SYBU: variants seen among roughly 807,000 people sequenced by gnomAD.
The protein encoded by SYBU is syntabulin, also known as GOLSYN A protein.
SYBU carries 21 observed loss-of-function variants against 35.9 expected under a neutral mutation model. That is an observed-to-expected ratio of 0.58 (90% CI 0.41 to 0.84). The LOEUF (loss-of-function observed/expected upper bound fraction) is 0.84. SYBU is among the 40% of genes least tolerant of loss of function. SYBU has a pLI of 0.00. For synonymous variants in SYBU, 319 were observed against 324.3 expected (o/e 0.98, Z 0.18); for missense variants, 768 against 848.2 (o/e 0.91, Z 1.17).
chr8:109,651,104 A>G (rs1363879200), intron 1 of SYBU, among the ~76,000 whole-genome samples: 2 of 152,216 alleles, frequency 1.3e-5, no homozygotes, highest in Non-Finnish European at 2.9e-5. Context: ...CACTACTGAC[A>G]AACAGCTGAG....
chr8:109,583,725 AAC>A (rs1654860871), intron 4 of SYBU, among the ~76,000 whole-genome samples: 1 of 152,186 alleles, frequency 6.6e-6, no homozygotes, highest in African/African-American at 2.4e-5. Flanking sequence ...GGCCCTCCAG[AAC>A]ACAAAATTTA....
intron 3 of SYBU, among the ~76,000 whole-genome samples, chr8:109,615,321 C>A (rs1811614098): frequency 6.6e-6 from 1 of 152,096 alleles, no homozygotes; most frequent in South Asian, 2.1e-4. Context: ...TCGCTTGGGG[C>A]TATGGAGGAG....
chr8:109,600,096 A>G (rs908613827), intron 3 of SYBU, among the ~76,000 whole-genome samples: 1 of 152,098 alleles, frequency 6.6e-6, no homozygotes, highest in Admixed American at 6.5e-5. Flanking sequence ...TTGCACTGCA[A>G]TTGCCTGTTT....
chr8:109,600,885 C>T (rs575392484), intron 3 of SYBU, among the ~76,000 whole-genome samples: 8 of 152,240 alleles, frequency 5.3e-5, no homozygotes, highest in Middle Eastern at 3.4e-3. Context: ...TGAACAAGGT[C>T]GACATGTGTG....
chr8:109,629,803 C>G (rs544608549), intron 2 of SYBU, among the ~76,000 whole-genome samples: 1 of 152,232 alleles, frequency 6.6e-6, no homozygotes, highest in East Asian at 1.9e-4. Context: ...CTCTCCAGCA[C>G]CTGTGGTTTC....
chr8:109,583,537 T>C lies in SYBU; in HGVS notation c.530+2523A>G, dbSNP rs571932920. 2.6e-5 allele frequency among the ~76,000 whole-genome samples: 4 copies of C among 152,324 alleles called. No homozygotes were observed. The South Asian group carries it at 8.3e-4, about 32-fold the overall frequency. On this transcript the variant is annotated intron_variant, in intron 4 of 6. Transcript: ENST00000276646. ...AAAATATTCTCACCAGCTCCACCTG[T>C]TCCTCACATGTCCCACTGATTGACC...
intron 2 of SYBU, among the ~76,000 whole-genome samples, chr8:109,639,131 C>T (rs1171184545): frequency 2.6e-5 from 4 of 152,012 alleles, no homozygotes; most frequent in Non-Finnish European, 2.9e-5. Context: ...TTTCACAGGC[C>T]GGTAAAATTA....
At chr8:109,629,649 G>T (rs1006383264) in intron 2 of SYBU, among the ~76,000 whole-genome samples, 2 of 151,962 alleles carry the variant, frequency 1.3e-5, no homozygotes, top group African/African-American at 4.8e-5. Context: ...TAGTCCTTTG[G>T]GTATATACCC....
chr8:109,647,409 T>C (rs921441210), upstream of SYBU: 1 of 152,212 alleles, frequency 6.6e-6, no homozygotes, highest in Non-Finnish European at 1.5e-5. Flanking sequence ...CTCTTAAAGA[T>C]ACATTGTTTC....
chr8:109,621,778 G>C (rs1192972589), intron 2 of SYBU, among the ~76,000 whole-genome samples: 1 of 152,142 alleles, frequency 6.6e-6, no homozygotes, highest in Non-Finnish European at 1.5e-5. Context: ...AAGAAGCCTG[G>C]GGCATTTGCC....
intron 2 of SYBU, among the ~76,000 whole-genome samples, chr8:109,638,036 T>C (rs1814421922): frequency 1.3e-5 from 2 of 152,216 alleles, no homozygotes; most frequent in Admixed American, 1.3e-4. Flanking sequence ...CACTTGCCTG[T>C]GTATCTGTGT....
intron 1 of SYBU, among the ~76,000 whole-genome samples, chr8:109,687,319 T>G (rs1817543325): frequency 6.6e-6 from 1 of 152,160 alleles, no homozygotes; most frequent in Non-Finnish European, 1.5e-5. Context: ...AAATAAAACT[T>G]GGCAAAAGAG....
At chr8:109,657,138 CCA>C (rs902700752) in intron 1 of SYBU, among the ~76,000 whole-genome samples, 89 of 152,158 alleles carry the variant, frequency 5.8e-4, no homozygotes, top group African/African-American at 2.0e-3. Context: ...TGAATCTTTT[CCA>C]CAGAGTACTG....
intron 2 of SYBU, among the ~76,000 whole-genome samples, chr8:109,638,932 A>G (rs1303786964): frequency 6.6e-6 from 1 of 152,230 alleles, no homozygotes; most frequent in Admixed American, 6.5e-5. Flanking sequence ...GCAAAAGGTC[A>G]CACACAACTT....
At chr8:109,600,951 T>C (rs2130045349) in intron 3 of SYBU, among the ~76,000 whole-genome samples, 1 of 152,336 alleles carries the variant, frequency 6.6e-6, no homozygotes, top group East Asian at 1.9e-4. Flanking sequence ...GGACTGTCTG[T>C]CAACCTCTAG....
intron 2 of SYBU, among the ~76,000 whole-genome samples, chr8:109,638,991 T>A (rs1814551322): frequency 6.6e-6 from 1 of 152,142 alleles, no homozygotes; most frequent in Non-Finnish European, 1.5e-5. Context: ...GCATATAGAA[T>A]ATCAAGTCAT....
At chr8:109,616,148 A>G (rs1811767258) in intron 3 of SYBU, among the ~76,000 whole-genome samples, 1 of 150,542 alleles carries the variant, frequency 6.6e-6, no homozygotes, top group Non-Finnish European at 1.5e-5. Context: ...AGTAGCTGGG[A>G]TTACAGGTAC....
intron 3 of SYBU, among the ~76,000 whole-genome samples, chr8:109,587,982 T>C (rs1336148092): frequency 6.6e-6 from 1 of 152,232 alleles, no homozygotes; most frequent in Non-Finnish European, 1.5e-5. Flanking sequence ...TCTGAAGGAT[T>C]CATGATTGGT....
At chr8:109,655,068 T>A (rs990128328) in intron 1 of SYBU, among the ~76,000 whole-genome samples, 3 of 152,206 alleles carry the variant, frequency 2.0e-5, no homozygotes, top group African/African-American at 7.2e-5. Context: ...CAATGCTCAC[T>A]ACCAGTCTCA....
Sources: gnomAD v4.1 joint callset for allele counts (sites outside exome capture counted in the v4.1 genomes callset) on GRCh38, gnomAD v4.1.1 for gene constraint, MANE v1.5 for transcripts, NCBI Gene and HGNC (gene_info 2026-07-23, HGNC 2026-07-21) for gene names.